ARFGEF2: variants seen among roughly 807,000 people sequenced by gnomAD.
ARFGEF2 encodes brefeldin A-inhibited guanine nucleotide-exchange protein 2.
ARFGEF2 carries 74 observed loss-of-function variants against 219.9 expected under a neutral mutation model. The ratio of observed to expected loss-of-function variants is 0.34; its 90% CI spans 0.28 to 0.41. The LOEUF (loss-of-function observed/expected upper bound fraction) is 0.41. Among genes scored for constraint, ARFGEF2 ranks in the 10% least tolerant of loss-of-function variants. The probability of loss-of-function intolerance (pLI) is 1.00; values close to 1 mark genes in which losing one functional copy is unlikely to be tolerated. For missense variants in ARFGEF2, 1,743 were observed against 2,218.3 expected (o/e 0.79, Z 4.30); for synonymous variants, 733 against 799.2 (o/e 0.92, Z 1.40).
intron 37 of ARFGEF2, among the ~76,000 whole-genome samples, chr20:49,029,702 C>G (rs191574741): frequency 6.6e-6 from 1 of 151,876 alleles, no homozygotes; most frequent in Admixed American, 6.6e-5. Flanking sequence ...ACCAATTCTC[C>G]TGCCTCGGCC....
intron 14 of ARFGEF2, among the ~76,000 whole-genome samples, chr20:48,983,418 T>G (rs1235500865): frequency 1.3e-5 from 2 of 152,232 alleles, no homozygotes; most frequent in Non-Finnish European, 2.9e-5. Context: ...CTGACATGTT[T>G]GATCTTCTCA....
intron 1 of ARFGEF2, among the ~76,000 whole-genome samples, chr20:48,939,410 A>C (rs2090980482): frequency 6.6e-6 from 1 of 152,004 alleles, no homozygotes. Context: ...GAAAACCTAC[A>C]TTTGAGTTTG....
chr20:48,942,046 T>C, intron 3 of ARFGEF2, 59 bp downstream of exon 3: 1 of 1,608,016 alleles, frequency 6.2e-7, no homozygotes, highest in East Asian at 2.2e-5. Flanking sequence ...AGTTGGTCCT[T>C]ACACAGAACT....
At chr20:49,002,093 C>T (rs1419434330) in intron 25 of ARFGEF2, among the ~76,000 whole-genome samples, 1 of 152,106 alleles carries the variant, frequency 6.6e-6, no homozygotes, top group East Asian at 1.9e-4. Context: ...CAAAAATTAG[C>T]AGGGCGCGGT....
At chr20:48,947,577 A>G (rs1600599428) in intron 3 of ARFGEF2, among the ~76,000 whole-genome samples, 1 of 151,702 alleles carries the variant, frequency 6.6e-6, no homozygotes, top group East Asian at 2.0e-4. Flanking sequence ...AAGTATATAT[A>G]TGGCCAGGCG....
At chr20:49,018,739 A>G in intron 33 of ARFGEF2, 145 bp from the exon 34 acceptor site, 1 of 683,082 alleles carries the variant, frequency 1.5e-6, no homozygotes, top group Non-Finnish European at 2.7e-6. Context: ...GAGGCATGCT[A>G]CATTAAGCAT....
At chr20:48,924,458 G>A (rs2090863408) in intron 1 of ARFGEF2, among the ~76,000 whole-genome samples, 1 of 145,318 alleles carries the variant, frequency 6.9e-6, no homozygotes, top group Non-Finnish European at 1.5e-5. Flanking sequence ...CTTGCAGTGA[G>A]CTGAGATTGC....
At chr20:48,955,514 C>T (rs188742832) in intron 6 of ARFGEF2, among the ~76,000 whole-genome samples, 1 of 152,238 alleles carries the variant, frequency 6.6e-6, no homozygotes, top group Non-Finnish European at 1.5e-5. Context: ...GCACACGCAG[C>T]AGACATTGAG....
intron 36 of ARFGEF2, among the ~76,000 whole-genome samples, chr20:49,027,908 G>C (rs2091612801): frequency 1.3e-5 from 2 of 152,134 alleles, no homozygotes; most frequent in African/African-American, 4.8e-5. Flanking sequence ...CAGGAGGATT[G>C]CTTGAGCCCA....
intron 26 of ARFGEF2, among the ~76,000 whole-genome samples, chr20:49,007,486 A>G (rs2091469317): frequency 6.6e-6 from 1 of 150,498 alleles, no homozygotes; most frequent in Non-Finnish European, 1.5e-5. Flanking sequence ...ATGGGGTTTC[A>G]CCATGCTGGT....
chr20:48,941,068 C>G lies in ARFGEF2; in HGVS notation c.122-131C>G, dbSNP rs117864459. 3.0e-4 allele frequency: 246 copies of G among 807,966 alleles called. No homozygotes were observed. In the East Asian group the frequency reaches 4.2e-3, roughly 14 times the overall value. The allele number at this position is 807,966 out of a possible 1,614,324, so 50.0% of individuals were successfully genotyped here. On this transcript the variant is annotated intron_variant, in intron 1 of 38. Coordinates refer to ENST00000371917, the MANE Select transcript of ARFGEF2 (RefSeq NM_006420.3). The stretch of plus-strand genomic sequence containing the variant: ...GCTGTTACAATTATTTCTTTCACTT[C>G]ATATCAGCATTTTTGTATTTAAACA...
chr20:48,985,705 C>T (rs2091323091), intron 16 of ARFGEF2, 92 bp downstream of exon 16: 6 of 1,339,240 alleles, frequency 4.5e-6, no homozygotes, highest in South Asian at 1.2e-5. Context: ...CTTTGTATAT[C>T]TGTGCCAAGC....
rs2091449505 is a variant in ARFGEF2 at position 49,005,067 on chromosome 20, C to T, written c.3433-3C>T. 6 of 1,614,004 alleles carry T rather than the reference C, an allele frequency of 3.7e-6. No homozygotes were observed. In the South Asian group the frequency reaches 5.5e-5, roughly 15 times the overall value. On this transcript the variant is annotated splice_polypyrimidine_tract_variant and splice_region_variant and intron_variant, in intron 25 of 38. Transcript: ENST00000371917. ...TTTCACATCAGTTCCTGTTCTTGTT[C>T]AGGTTGGCTGCAACCCTAATGAAGA...
At chr20:49,012,325 A>G (rs1406273997) in intron 28 of ARFGEF2, among the ~76,000 whole-genome samples, 1 of 152,248 alleles carries the variant, frequency 6.6e-6, no homozygotes, top group African/African-American at 2.4e-5. Flanking sequence ...TTGTTTTTGT[A>G]GAAGTTAGTT....
chr20:48,937,197 A>C (rs998681750), intron 1 of ARFGEF2, among the ~76,000 whole-genome samples: 1 of 152,200 alleles, frequency 6.6e-6, no homozygotes, highest in Non-Finnish European at 1.5e-5. Context: ...TATTAGCAGT[A>C]ACTTCCTGAT....
At chr20:48,994,709 A>G (rs1440870360) in intron 22 of ARFGEF2, 111 bp downstream of exon 22, 13 of 1,483,496 alleles carry the variant, frequency 8.8e-6, no homozygotes, top group Non-Finnish European at 1.2e-5. Context: ...CTTTTGTGCC[A>G]TCTGACAGTG....
chr20:48,984,950 A>AC (rs1015621549), intron 15 of ARFGEF2, 110 bp downstream of exon 15: 44 of 1,568,130 alleles, frequency 2.8e-5, no homozygotes, highest in Non-Finnish European at 3.4e-5. Context: ...TCTGTTGTCC[A>AC]CCCCCGGGTT....
Position 48,921,992 on chromosome 20 carries a change from G to T in ARFGEF2, c.103G>T (p.Ala35Ser). 1 of 1,579,932 alleles carries T rather than the reference G, an allele frequency of 6.3e-7. No individual in the cohort carries two copies. Among genetic ancestry groups the T allele is most frequent in the Non-Finnish European group, 8.6e-7 (1 of 1,163,422 alleles). Residue 35 changes from alanine (A) to serine (S), a missense_variant, in exon 1 of 39, where the codon GCC (alanine) becomes TCC (serine). Transcript: ENST00000371917. ...KRPQHSQLRR[A>S]CQVALDEIKA... is the part of the protein sequence containing the mutation. ...GCCCCAGCACTCCCAGCTGCGCAGG[G>T]CCTGCCAGGTGGCGCTCGGTGGGTG...
intron 37 of ARFGEF2, among the ~76,000 whole-genome samples, chr20:49,031,432 A>G (rs1287420069): frequency 6.6e-6 from 1 of 151,722 alleles, no homozygotes; most frequent in Non-Finnish European, 1.5e-5. Context: ...GGTTTGCTAC[A>G]TTGGCCGGGC....
Sources: gnomAD v4.1 joint callset for allele counts (sites outside exome capture counted in the v4.1 genomes callset) on GRCh38, gnomAD v4.1.1 for gene constraint, MANE v1.5 for transcripts, NCBI Gene and HGNC (gene_info 2026-07-23, HGNC 2026-07-21) for gene names.